Variants in FAM3B observed in about 807,000 individuals in gnomAD.
FAM3B encodes the protein FAM3 metabolism regulating signaling molecule B.
In FAM3B, 29 loss-of-function variants were observed where a neutral mutation model predicts 28.4. That is an observed-to-expected ratio of 1.02 (90% CI 0.76 to 1.39). FAM3B has a LOEUF of 1.39. Ranked by LOEUF, FAM3B falls within the 40% of genes most tolerant of loss-of-function variation. The probability of loss-of-function intolerance (pLI) is 0.00; values close to 1 mark genes in which losing one functional copy is unlikely to be tolerated. For missense variants in FAM3B, 266 were observed against 293.9 expected (o/e 0.91, Z 0.69); for synonymous variants, 91 against 103.0 (o/e 0.88, Z 0.71).
intron 7 of FAM3B, among the ~76,000 whole-genome samples, chr21:41,351,121 C>T (rs190812133): frequency 6.6e-6 from 1 of 152,228 alleles, no homozygotes; most frequent in African/African-American, 2.4e-5. Context: ...ATGTTAACAT[C>T]TCATCAAACA....
intron 2 of FAM3B, among the ~76,000 whole-genome samples, chr21:41,335,989 T>G (rs547968353): frequency 7.9e-5 from 12 of 152,330 alleles, no homozygotes; most frequent in African/African-American, 2.6e-4. Flanking sequence ...GAAACCTCAT[T>G]ACTCATCTGT....
Position 41,338,479 on chromosome 21 carries a change from A to C in FAM3B, c.265A>C (p.Lys89Gln). 6.2e-7 allele frequency: 1 copy of C among 1,614,176 alleles called. No homozygotes were observed. The highest frequency in any genetic ancestry group is 8.5e-7 in the Non-Finnish European group (1 of 1,179,996). The part of the protein sequence containing the change: ...LSGGGRSKYA[K>Q]ICFEDNLLMG... ...CGGAGGTGGCAGAAGCAAGTACGCC[A>C]AAATCTGCTTTGAGGATAACCTGTA... The change falls in exon 3 of 8, where the codon AAA (lysine) becomes CAA (glutamine). Residue 89 changes from lysine to glutamine, a missense_variant. Physicochemically the swap from Lys to Gln is moderately conservative, Grantham distance 53. Coordinates refer to ENST00000357985, the MANE Select transcript of FAM3B (RefSeq NM_058186.4).
At chr21:41,311,657 A>G (rs2088714859) in intron 1 of FAM3B, among the ~76,000 whole-genome samples, 1 of 152,098 alleles carries the variant, frequency 6.6e-6, no homozygotes, top group Middle Eastern at 3.2e-3. Context: ...TTAGCAGAAG[A>G]CAGCTGGATT....
intron 1 of FAM3B, among the ~76,000 whole-genome samples, chr21:41,308,646 C>T (rs2088694459): frequency 6.7e-6 from 1 of 149,964 alleles, no homozygotes; most frequent in African/African-American, 2.5e-5. Flanking sequence ...TTCAAGCGAT[C>T]CTCCTGCCCC....
At chr21:41,351,005 G>A (rs374891245) in intron 7 of FAM3B, among the ~76,000 whole-genome samples, 19 of 151,630 alleles carry the variant, frequency 1.3e-4, no homozygotes, top group African/African-American at 4.4e-4. Context: ...ACGAGCGTCT[G>A]TGGTTATTAT....
At chr21:41,307,016 C>T (rs2088686238) in intron 1 of FAM3B, among the ~76,000 whole-genome samples, 1 of 152,228 alleles carries the variant, frequency 6.6e-6, no homozygotes, top group Non-Finnish European at 1.5e-5. Flanking sequence ...GTCTCTGAAG[C>T]TTCGAACCAG....
At chr21:41,356,888 A>AT (rs1258239569) in intron 7 of FAM3B, among the ~76,000 whole-genome samples, 1 of 152,326 alleles carries the variant, frequency 6.6e-6, no homozygotes, top group Admixed American at 6.5e-5. Flanking sequence ...TACACATGAT[A>AT]TGGACATATC....
chr21:41,339,404 C>A (rs555796860), intron 3 of FAM3B, among the ~76,000 whole-genome samples: 1 of 152,126 alleles, frequency 6.6e-6, no homozygotes, highest in East Asian at 1.9e-4. Flanking sequence ...AGAGAGAGTT[C>A]CTTAATGGGA....
intron 6 of FAM3B, 31 bp from the exon 7 acceptor site, chr21:41,348,561 A>C (rs747804241): frequency 1.2e-6 from 2 of 1,613,730 alleles, no homozygotes; most frequent in Non-Finnish European, 1.7e-6. Flanking sequence ...TCTCCCTGAG[A>C]TGCTCACATG....
intron 1 of FAM3B, among the ~76,000 whole-genome samples, chr21:41,308,888 T>C (rs993179703): frequency 6.6e-6 from 1 of 152,122 alleles, no homozygotes; most frequent in Admixed American, 6.5e-5. Context: ...GGAAGAGAAG[T>C]GGTGGCAGGG....
chr21:41,316,277 C>G (rs552835908), upstream of FAM3B, among the ~76,000 whole-genome samples: 18 of 152,326 alleles, frequency 1.2e-4, no homozygotes, highest in Admixed American at 7.2e-4. Context: ...TTCACTTTCC[C>G]AGAATGAATT....
intron 7 of FAM3B, among the ~76,000 whole-genome samples, chr21:41,356,040 T>TACACACACACACAC (rs59345837): frequency 4.2e-5 from 5 of 119,888 alleles, no homozygotes; most frequent in African/African-American, 1.4e-4. Context: ...AAAAAATACA[T>TACACACACACACAC]ACACACACAC....
At chr21:41,327,340 AG>A (rs772673968) in intron 2 of FAM3B, among the ~76,000 whole-genome samples, 1 of 152,224 alleles carries the variant, frequency 6.6e-6, no homozygotes, top group Non-Finnish European at 1.5e-5. Context: ...CTTTGAATTT[AG>A]GCTTAACTTC....
chr21:41,350,463 G>A (rs138916340), intron 7 of FAM3B, among the ~76,000 whole-genome samples: 1 of 152,314 alleles, frequency 6.6e-6, no homozygotes, highest in East Asian at 1.9e-4. Flanking sequence ...CATGAAAGAA[G>A]AGAAACACAT....
chr21:41,346,493 T>G (rs1038320947), intron 5 of FAM3B: 5 of 154,818 alleles, frequency 3.2e-5, no homozygotes, highest in African/African-American at 1.2e-4. Context: ...TCCACATGTC[T>G]CGTATTTGAG....
chr21:41,329,042 A>G (rs1286980038), intron 2 of FAM3B, among the ~76,000 whole-genome samples: 4 of 152,196 alleles, frequency 2.6e-5, no homozygotes, highest in African/African-American at 9.7e-5. Flanking sequence ...GCATGTGTTG[A>G]TATACGTATA....
intron 7 of FAM3B, among the ~76,000 whole-genome samples, chr21:41,352,453 A>AGGGAG (rs1044330184): frequency 7.0e-6 from 1 of 143,564 alleles, no homozygotes; most frequent in Non-Finnish European, 1.5e-5. Flanking sequence ...GAAAAAGGGA[A>AGGGAG]GGGAGGGGAG....
intron 3 of FAM3B, among the ~76,000 whole-genome samples, chr21:41,344,115 G>A (rs901764401): frequency 6.6e-6 from 1 of 152,170 alleles, no homozygotes; most frequent in African/African-American, 2.4e-5. Flanking sequence ...GTGAGACCCT[G>A]TCTCAATAAA....
intron 3 of FAM3B, among the ~76,000 whole-genome samples, chr21:41,342,961 C>T (rs762092525): frequency 2.0e-5 from 3 of 152,128 alleles, no homozygotes; most frequent in Non-Finnish European, 4.4e-5. Context: ...CTTTGCTTCT[C>T]CCAGGGACCT....
Sources: allele counts gnomAD v4.1 joint callset (sites outside exome capture counted in the v4.1 genomes callset), GRCh38; gene constraint gnomAD v4.1.1; transcripts MANE v1.5; gene names NCBI Gene and HGNC (gene_info 2026-07-23, HGNC 2026-07-21).